LHFPL2: variants seen among roughly 807,000 people sequenced by gnomAD.
LHFPL2 encodes the protein LHFPL tetraspan subfamily member 2 protein.
LHFPL2 carries 7 observed loss-of-function variants against 17.5 expected under a neutral mutation model. That is an observed-to-expected ratio of 0.40 (90% CI 0.23 to 0.75). The LOEUF (loss-of-function observed/expected upper bound fraction) is 0.75. LHFPL2 is among the 30% of genes least tolerant of loss of function. The pLI, the probability that LHFPL2 is intolerant of heterozygous loss-of-function variation, is 0.37. For missense variants in LHFPL2, 241 were observed against 294.8 expected, an observed-to-expected ratio of 0.82 and a Z score of 1.34; for synonymous variants, 134 against 116.2, an observed-to-expected ratio of 1.15 and a Z score of -0.99.
At chr5:78,606,219 G>A (rs1222220636) in intron 2 of LHFPL2, among the ~76,000 whole-genome samples, 1 of 152,064 alleles carries the variant, frequency 6.6e-6, no homozygotes, top group Non-Finnish European at 1.5e-5. Flanking sequence ...AAAAGTCTAG[G>A]GCCTCTATAT....
intron 2 of LHFPL2, among the ~76,000 whole-genome samples, chr5:78,619,034 CT>C (rs200328819): frequency 6.6e-6 from 1 of 151,346 alleles, no homozygotes; most frequent in Admixed American, 6.6e-5. Context: ...AATCACTTTT[CT>C]TTTTTTTTGA....
Position 78,555,240 on chromosome 5 carries a change from A to C in LHFPL2, c.-186+9573T>G, listed in dbSNP as rs115016625. On this transcript the variant is annotated intron_variant, in intron 3 of 4. Transcript: ENST00000380345. Reference sequence around the variant, plus strand: ...TAGACAGTATTCTAGGCATGTTTTGATTTAAACCAAGCAAGGAGGTAAAAA... The same window carrying C: ...TAGACAGTATTCTAGGCATGTTTTGCTTTAAACCAAGCAAGGAGGTAAAAA... Among the ~76,000 whole-genome samples, 452 of 152,370 alleles carry C rather than the reference A, an allele frequency of 3.0e-3. 3 individuals are homozygous for C. The highest frequency in any genetic ancestry group is 0.01 in the African/African-American group (433 of 41,578).
In LHFPL2 at chr5:78,639,113, C is replaced by CT. The variant is rs1483227552; in HGVS notation, c.-349-6746_-349-6745insA. 2.0e-5 allele frequency among the ~76,000 whole-genome samples: 3 copies of CT among 152,142 alleles called. No homozygotes were observed. The South Asian group carries it at 6.2e-4, about 32-fold the overall frequency. On this transcript the variant is annotated intron_variant, in intron 1 of 4. Coordinates refer to ENST00000380345, the MANE Select transcript of LHFPL2 (RefSeq NM_005779.3). ...GGCTGGTCAGACTATCCTAAGAGGC[C>CT]CCCCAGCCACCTGTCCACACAGGTG...
intron 3 of LHFPL2, among the ~76,000 whole-genome samples, chr5:78,552,134 A>AT (rs372439802): frequency 0.041 from 5,727 of 140,442 alleles, 374 homozygotes; most frequent in African/African-American, 0.14. Flanking sequence ...CATGTCAGTG[A>AT]TTTTTTTTTT....
chr5:78,489,773 C>T (rs1249856661), intron 4 of LHFPL2, among the ~76,000 whole-genome samples: 1 of 152,232 alleles, frequency 6.6e-6, no homozygotes, highest in East Asian at 1.9e-4. Flanking sequence ...CAAATGTTAA[C>T]TTTATAAGTA....
chr5:78,511,212 A>C (rs535284664), intron 3 of LHFPL2, among the ~76,000 whole-genome samples: 21 of 152,360 alleles, frequency 1.4e-4, no homozygotes, highest in African/African-American at 4.8e-4. Flanking sequence ...ACTTGTTGAC[A>C]ACAGAACCTT....
chr5:78,590,842 A>G (rs1165240143), intron 2 of LHFPL2, among the ~76,000 whole-genome samples: 1 of 152,226 alleles, frequency 6.6e-6, no homozygotes, highest in Non-Finnish European at 1.5e-5. Context: ...AATGCAGATC[A>G]TGTTTTTTGT....
chr5:78,504,629 T>TA (rs1248204501), intron 4 of LHFPL2, among the ~76,000 whole-genome samples: 3 of 152,228 alleles, frequency 2.0e-5, no homozygotes, highest in Non-Finnish European at 4.4e-5. Flanking sequence ...AGCAATTATA[T>TA]AAGCAGCAAA....
At chr5:78,572,156 A>ATATAG (rs917601211) in intron 2 of LHFPL2, among the ~76,000 whole-genome samples, 10 of 152,188 alleles carry the variant, frequency 6.6e-5, no homozygotes, top group Non-Finnish European at 1.3e-4. Context: ...AGCACAGGCA[A>ATATAG]TATAGTTTGG....
At chr5:78,567,962 G>A (rs1051801663) in intron 2 of LHFPL2, among the ~76,000 whole-genome samples, 1 of 151,354 alleles carries the variant, frequency 6.6e-6, no homozygotes, top group Non-Finnish European at 1.5e-5. Flanking sequence ...TTTTGTCTTG[G>A]ATACTATAAT....
chr5:78,600,237 T>C (rs1362166938), intron 2 of LHFPL2, among the ~76,000 whole-genome samples: 1 of 151,502 alleles, frequency 6.6e-6, no homozygotes, highest in Non-Finnish European at 1.5e-5. Flanking sequence ...GCGAGCAAAC[T>C]AGATACCAAT....
chr5:78,561,768 C>CAGGTGAGAT (rs1756734320), intron 3 of LHFPL2, among the ~76,000 whole-genome samples: 3 of 152,190 alleles, frequency 2.0e-5, no homozygotes, highest in African/African-American at 7.2e-5. Flanking sequence ...TCAGAGAAAT[C>CAGGTGAGAT]AGGTGAGATA....
At chr5:78,615,140 T>C (rs1054233137) in intron 2 of LHFPL2, among the ~76,000 whole-genome samples, 7 of 152,202 alleles carry the variant, frequency 4.6e-5, no homozygotes, top group African/African-American at 1.4e-4. Context: ...CTGGTCTCTA[T>C]TCCCTGACAG....
At chr5:78,592,152 G>A (rs1196877945) in intron 2 of LHFPL2, among the ~76,000 whole-genome samples, 5 of 152,194 alleles carry the variant, frequency 3.3e-5, no homozygotes, top group African/African-American at 7.2e-5. Context: ...TACAATGAGG[G>A]GTCAAAGAGA....
intron 1 of LHFPL2, among the ~76,000 whole-genome samples, chr5:78,645,545 C>CACAT (rs201231818): frequency 0.14 from 1,989 of 14,314 alleles, 26 homozygotes; most frequent in South Asian, 0.18. Context: ...CAGATGCATA[C>CACAT]ACACACACAC....
rs546555711 is a variant in LHFPL2 at position 78,624,579 on chromosome 5, C to T, written c.-245+7685G>A. Among the ~76,000 whole-genome samples the T allele has an allele frequency of 4.5e-4, 69 of 152,264 alleles. 1 individual carries two copies. Among genetic ancestry groups the T allele is most frequent in the Middle Eastern group, 3.4e-3 (1 of 294 alleles). ...TAAAGTCTCCGCAGATCAGAGTTTG[C>T]GAATTTAAATAACATTTCTTGATTT... On this transcript the variant is annotated intron_variant, in intron 2 of 4. Transcript: ENST00000380345.
chr5:78,617,992 C>T (rs1366315861), intron 2 of LHFPL2, among the ~76,000 whole-genome samples: 2 of 151,896 alleles, frequency 1.3e-5, no homozygotes, highest in African/African-American at 4.8e-5. Flanking sequence ...CATTTGAGTT[C>T]GGAAGTTTGA....
chr5:78,635,942 C>T (rs1225455544), intron 1 of LHFPL2, among the ~76,000 whole-genome samples: 2 of 152,150 alleles, frequency 1.3e-5, no homozygotes, highest in Non-Finnish European at 2.9e-5. Context: ...GAAATGGCCA[C>T]ATTAGAAGTG....
At chr5:78,551,588 A>G (rs1253695623) in intron 3 of LHFPL2, among the ~76,000 whole-genome samples, 1 of 152,114 alleles carries the variant, frequency 6.6e-6, no homozygotes, top group East Asian at 1.9e-4. Flanking sequence ...GGGCTCAGAA[A>G]ACAACACCCC....
Sources: gnomAD v4.1 joint callset for allele counts (sites outside exome capture counted in the v4.1 genomes callset) on GRCh38, gnomAD v4.1.1 for gene constraint, MANE v1.5 for transcripts, NCBI Gene and HGNC (gene_info 2026-07-23, HGNC 2026-07-21) for gene names.